The following DPP10 variants were observed in gnomAD, a reference collection of about 807,000 sequenced individuals.
The protein encoded by DPP10 is dipeptidyl peptidase like 10.
A neutral mutation model predicts 120.9 loss-of-function variants in DPP10; 33 were observed. The ratio of observed to expected loss-of-function variants is 0.27; its 90% CI spans 0.21 to 0.37. DPP10 has a LOEUF of 0.37. Among genes scored for constraint, DPP10 ranks in the 10% least tolerant of loss-of-function variants. DPP10 has a pLI of 1.00. For missense variants in DPP10, 816 were observed against 942.8 expected (o/e 0.87, Z 1.76); for synonymous variants, 337 against 326.1 (o/e 1.03, Z -0.36).
intron 3 of DPP10, among the ~76,000 whole-genome samples, chr2:115,356,582 A>T (rs2064405979): frequency 6.6e-6 from 1 of 152,128 alleles, no homozygotes; most frequent in African/African-American, 2.4e-5. Flanking sequence ...CAGTACTTCC[A>T]ATACTATCTT....
intron 5 of DPP10, among the ~76,000 whole-genome samples, chr2:115,550,097 G>A (rs2079784225): frequency 6.6e-6 from 1 of 152,102 alleles, no homozygotes; most frequent in South Asian, 2.1e-4. Flanking sequence ...GCTTCCTAAA[G>A]GGAAGTCCAA....
chr2:115,180,723 T>C (rs2054015443), intron 1 of DPP10, among the ~76,000 whole-genome samples: 1 of 152,194 alleles, frequency 6.6e-6, no homozygotes, highest in Non-Finnish European at 1.5e-5. Flanking sequence ...TGTACATATG[T>C]ATGTAGATAC....
chr2:115,083,065 T>C (rs545439189), intron 1 of DPP10, among the ~76,000 whole-genome samples: 1 of 152,246 alleles, frequency 6.6e-6, no homozygotes, highest in African/African-American at 2.4e-5. Flanking sequence ...ACTCTTTTAG[T>C]GTCTATGACA....
intron 5 of DPP10, among the ~76,000 whole-genome samples, chr2:115,681,793 T>TCTTCCTTCCTTC (rs61041757): frequency 1.4e-5 from 2 of 141,288 alleles, no homozygotes; most frequent in African/African-American, 5.1e-5. Context: ...TCTTTCTTTC[T>TCTTCCTTCCTTC]CTTCCTTCCT....
chr2:115,150,728 G>A (rs1023025008), intron 1 of DPP10, among the ~76,000 whole-genome samples: 2 of 152,120 alleles, frequency 1.3e-5, no homozygotes, highest in African/African-American at 4.8e-5. Flanking sequence ...GTGACATGAG[G>A]TATTGGACAA....
At chr2:115,427,331 T>C (rs1455271772) in intron 3 of DPP10, among the ~76,000 whole-genome samples, 17 of 152,236 alleles carry the variant, frequency 1.1e-4, no homozygotes, top group Admixed American at 1.0e-3. Flanking sequence ...AGAGTTTCTC[T>C]GTGAGGGCTC....
At chr2:115,595,316 T>G (rs1471591980) in intron 5 of DPP10, among the ~76,000 whole-genome samples, 2 of 152,106 alleles carry the variant, frequency 1.3e-5, no homozygotes, top group Non-Finnish European at 2.9e-5. Flanking sequence ...ACTGAAAACT[T>G]TATCCAAAAG....
chr2:115,463,584 A>G (rs1352790277), intron 3 of DPP10, among the ~76,000 whole-genome samples: 1 of 152,172 alleles, frequency 6.6e-6, no homozygotes, highest in East Asian at 1.9e-4. Context: ...CCTCAAATAC[A>G]CAAAGTGTAA....
chr2:114,608,276 G>A (rs1384901445), intron 1 of DPP10, among the ~76,000 whole-genome samples: 1 of 152,010 alleles, frequency 6.6e-6, no homozygotes, highest in Non-Finnish European at 1.5e-5. Context: ...TTCAATCTCT[G>A]CTCAAAGCTG....
At chr2:115,533,050 T>G (rs145244377) in intron 5 of DPP10, among the ~76,000 whole-genome samples, 102 of 152,168 alleles carry the variant, frequency 6.7e-4, no homozygotes, top group Middle Eastern at 6.8e-3. Flanking sequence ...TTAAACAAAT[T>G]TATAGTTTTA....
intron 3 of DPP10, among the ~76,000 whole-genome samples, chr2:115,480,474 G>A (rs1005996468): frequency 1.3e-5 from 2 of 152,012 alleles, no homozygotes; most frequent in Non-Finnish European, 2.9e-5. Context: ...TTGAAAAAAT[G>A]TATTCATTCT....
chr2:115,182,723 T>C (rs1000668766), intron 1 of DPP10, among the ~76,000 whole-genome samples: 1 of 152,154 alleles, frequency 6.6e-6, no homozygotes, highest in South Asian at 2.1e-4. Flanking sequence ...GTGATTTAAC[T>C]CAGAGAGGAA....
At chr2:114,848,309 TA>T (rs1217390226) in intron 1 of DPP10, among the ~76,000 whole-genome samples, 1 of 152,102 alleles carries the variant, frequency 6.6e-6, no homozygotes, top group Non-Finnish European at 1.5e-5. Flanking sequence ...GCTAAGAATA[TA>T]ATATAGATAT....
intron 1 of DPP10, among the ~76,000 whole-genome samples, chr2:115,168,025 T>C (rs2053034534): frequency 6.6e-6 from 1 of 151,984 alleles, no homozygotes; most frequent in East Asian, 1.9e-4. Context: ...TATAGAAATA[T>C]GTCAGGGGGT....
intron 5 of DPP10, among the ~76,000 whole-genome samples, chr2:115,567,000 A>G (rs1233781151): frequency 6.6e-6 from 1 of 152,166 alleles, no homozygotes; most frequent in African/African-American, 2.4e-5. Context: ...AGACGTAAGT[A>G]GTTTGAAATT....
chr2:115,511,103 A>G (rs2077201041), intron 4 of DPP10, among the ~76,000 whole-genome samples: 1 of 152,118 alleles, frequency 6.6e-6, no homozygotes, highest in Non-Finnish European at 1.5e-5. Context: ...TCAAGATAAT[A>G]CTAGCCTAAT....
chr2:115,457,638 C>G (rs1279928717), intron 3 of DPP10, among the ~76,000 whole-genome samples: 2 of 149,864 alleles, frequency 1.3e-5, no homozygotes, highest in Non-Finnish European at 3.0e-5. Flanking sequence ...TGAAATACCT[C>G]TATATATCTA....
At chr2:115,035,293 G>T (rs1448796234) in intron 1 of DPP10, among the ~76,000 whole-genome samples, 1 of 152,104 alleles carries the variant, frequency 6.6e-6, no homozygotes, top group Non-Finnish European at 1.5e-5. Context: ...CCCCAGTCAG[G>T]CAGAACAGGG....
At chr2:114,887,426 A>G (rs977962492) in intron 1 of DPP10, among the ~76,000 whole-genome samples, 1 of 152,226 alleles carries the variant, frequency 6.6e-6, no homozygotes, top group East Asian at 1.9e-4. Flanking sequence ...GTAAATATAG[A>G]TAATTCAGTT....
Sources: allele counts gnomAD v4.1 joint callset (sites outside exome capture counted in the v4.1 genomes callset), GRCh38; gene constraint gnomAD v4.1.1; transcripts MANE v1.5; gene names NCBI Gene and HGNC (gene_info 2026-07-23, HGNC 2026-07-21).